Variants in VGLL4 observed in about 807,000 individuals in gnomAD.
The protein encoded by VGLL4 is transcription cofactor vestigial-like protein 4.
Under a neutral mutation model 21.0 loss-of-function variants are expected in VGLL4, and 7 were observed. The observed-to-expected ratio is 0.33, with a 90% confidence interval of 0.19 to 0.63. VGLL4 has a LOEUF of 0.63. VGLL4 is among the 20% of genes least tolerant of loss of function. The probability of loss-of-function intolerance (pLI) is 0.78; values close to 1 mark genes in which losing one functional copy is unlikely to be tolerated. For synonymous variants in VGLL4, 222 were observed against 173.2 expected, an observed-to-expected ratio of 1.28 and a Z score of -2.21; for missense variants, 394 against 425.7, an observed-to-expected ratio of 0.93 and a Z score of 0.66.
At chr3:11,617,812 A>G (rs1289445287) in intron 1 of VGLL4, among the ~76,000 whole-genome samples, 1 of 152,206 alleles carries the variant, frequency 6.6e-6, no homozygotes, top group East Asian at 1.9e-4. Context: ...TCCATATTTT[A>G]AGTTCCACAG....
intron 2 of VGLL4, among the ~76,000 whole-genome samples, chr3:11,685,280 C>T (rs528923955): frequency 6.6e-6 from 1 of 151,226 alleles, no homozygotes; most frequent in African/African-American, 2.4e-5. Context: ...CTTACTGCAA[C>T]CTCTGCCTCC....
In VGLL4 at chr3:11,557,956, A is replaced by G. The variant is rs1232186698; in HGVS notation, c.*600T>C. 6.5e-6 allele frequency: 1 copy of G among 153,762 alleles called. No homozygotes were observed. 9.5% of individuals were successfully genotyped at this position (153,762 alleles called of 1,614,324 possible). On this transcript the variant is annotated 3_prime_UTR_variant, in exon 5 of 5. Coordinates refer to ENST00000430365, the MANE Select transcript of VGLL4 (RefSeq NM_001128219.3). Reference sequence around the variant, plus strand: ...AAAAAAAACAAAAACAGTAACAACAACAAACACACAAATGGTCAGAAATGT... The same window carrying G: ...AAAAAAAACAAAAACAGTAACAACAGCAAACACACAAATGGTCAGAAATGT...
At chr3:11,610,139 C>G (rs1333734591) in intron 1 of VGLL4, 1 of 152,396 alleles carries the variant, frequency 6.6e-6, no homozygotes, top group African/African-American at 2.4e-5. Flanking sequence ...GACATCATGT[C>G]CTGGCGAGAG....
chr3:11,671,740 T>G (rs1190986718), intron 2 of VGLL4, among the ~76,000 whole-genome samples: 3 of 152,014 alleles, frequency 2.0e-5, no homozygotes, highest in Non-Finnish European at 4.4e-5. Context: ...TTTAAATAAC[T>G]TCAACTGGGA....
Position 11,670,629 on chromosome 3 carries a change from T to C in VGLL4, c.64+32342A>G, listed in dbSNP as rs193254080. Among the ~76,000 whole-genome samples, 169 of 152,338 alleles carry C rather than the reference T, an allele frequency of 1.1e-3. 1 individual carries two copies. The highest frequency in any genetic ancestry group is 0.01 in the Middle Eastern group (3 of 294). On this transcript the variant is annotated intron_variant, in intron 2 of 5. Coordinates refer to the VGLL4 transcript ENST00000273038. ...AGTAAACATTACTGAGGCTTTCTTTTTTTTAAGACAAAAATAAGTAAATGT... is the reference window on the plus strand; with the variant it reads ...AGTAAACATTACTGAGGCTTTCTTTCTTTTAAGACAAAAATAAGTAAATGT...
At chr3:11,626,581 T>C (rs1451813723) in intron 1 of VGLL4, 1 of 330,766 alleles carries the variant, frequency 3.0e-6, no homozygotes. Flanking sequence ...CACATTGTGG[T>C]GGCTAAGAGC....
At position 11,568,817 on chromosome 3, in the gene VGLL4, G is replaced by A. The variant is rs888810912; in HGVS notation, c.273-3798C>T. The A allele has an allele frequency of 3.5e-6, 5 of 1,427,900 alleles. No homozygotes were observed. The highest frequency in any genetic ancestry group is 5.2e-5 in the East Asian group (2 of 38,546). 88.5% of individuals were successfully genotyped at this position (1,427,900 alleles called of 1,614,324 possible). On this transcript the variant is annotated intron_variant, in intron 2 of 4. Transcript: ENST00000430365. This position sits in a 1 kb window ranked among gnomAD's most constrained non-coding sequence, Gnocchi z 5.9. Reference sequence around the variant, plus strand: ...CCGAGAGAGCCCACGGCATCCCCGCGAACACCCAAAGGACTCTGAGTGGCT... The same window carrying A: ...CCGAGAGAGCCCACGGCATCCCCGCAAACACCCAAAGGACTCTGAGTGGCT...
At chr3:11,675,361 A>AT (rs11371832) in intron 2 of VGLL4, among the ~76,000 whole-genome samples, 79,072 of 150,898 alleles carry the variant, frequency 0.52, 21,630 homozygotes, top group Non-Finnish European at 0.63. Context: ...ATAAAAAATA[A>AT]AAAAATAAAA....
At chr3:11,561,656 C>T (rs749005114) in intron 3 of VGLL4, among the ~76,000 whole-genome samples, 55 of 152,176 alleles carry the variant, frequency 3.6e-4, no homozygotes, top group Middle Eastern at 3.4e-3. Context: ...TATGGGATCC[C>T]GAGGCTCCCC....
At chr3:11,716,805 C>CGG (rs202235626) in intron 1 of VGLL4, among the ~76,000 whole-genome samples, 2 of 151,116 alleles carry the variant, frequency 1.3e-5, no homozygotes, top group Non-Finnish European at 2.9e-5. Context: ...TTTTTTTTTG[C>CGG]GGGGGGGTGG....
At chr3:11,584,218 G>T (rs930068207) in intron 2 of VGLL4, among the ~76,000 whole-genome samples, 1 of 152,140 alleles carries the variant, frequency 6.6e-6, no homozygotes, top group Non-Finnish European at 1.5e-5. Context: ...TCAAGAGAAA[G>T]AAGATGAATA....
chr3:11,620,183 T>C (rs956895881), intron 1 of VGLL4, among the ~76,000 whole-genome samples: 2 of 152,180 alleles, frequency 1.3e-5, no homozygotes, highest in Admixed American at 6.6e-5. Flanking sequence ...CAGGAGGAAA[T>C]GGTCACCAAA....
intron 1 of VGLL4, among the ~76,000 whole-genome samples, chr3:11,640,472 G>A (rs1047431278): frequency 2.0e-5 from 3 of 152,142 alleles, no homozygotes; most frequent in African/African-American, 4.8e-5. Flanking sequence ...GTAGTAATAA[G>A]CCATGAGGTT....
chr3:11,565,052 T>C lies in VGLL4; in HGVS notation c.273-33A>G, dbSNP rs1346292459. 2 of 1,462,866 alleles carry C rather than the reference T, an allele frequency of 1.4e-6. No homozygotes were observed. The highest frequency in any genetic ancestry group is 1.5e-5 in the African/African-American group (1 of 68,550). The allele number at this position is 1,462,866 out of a possible 1,614,324, so 90.6% of individuals were successfully genotyped here. A position where few individuals can be genotyped will look rare whatever the true frequency, so the allele number is the denominator to read the frequency against. ...AGAGGAATGGGCATTCAGGGGGCGT[T>C]TTCTCAAAGGCAAAGGGGACAGTGA... On this transcript the variant is annotated intron_variant, in intron 2 of 4. Coordinates refer to ENST00000430365, the MANE Select transcript of VGLL4 (RefSeq NM_001128219.3). This position sits in a 1 kb window ranked among gnomAD's most constrained non-coding sequence, Gnocchi z 4.1.
chr3:11,601,779 A>G (rs1321854989), intron 2 of VGLL4, 54 bp downstream of exon 2: 5 of 1,585,714 alleles, frequency 3.2e-6, no homozygotes, highest in African/African-American at 1.4e-5. Flanking sequence ...TGCAAAACAA[A>G]TAAGGCCCCA....
intron 2 of VGLL4, among the ~76,000 whole-genome samples, chr3:11,691,625 T>C (rs1290813696): frequency 6.6e-6 from 1 of 152,118 alleles, no homozygotes; most frequent in Non-Finnish European, 1.5e-5. Context: ...GGGCCTTCCG[T>C]CCTCACTGCT....
In VGLL4 at chr3:11,557,655, T is replaced by C. The variant is rs1161349250; in HGVS notation, c.*901A>G. Reference sequence around the variant, plus strand: ...CTGTAACTGACAAAAATAAACTAATTCTGAAAAGAAGATAGTAAGTATTAA... The same window carrying C: ...CTGTAACTGACAAAAATAAACTAATCCTGAAAAGAAGATAGTAAGTATTAA... On this transcript the variant is annotated 3_prime_UTR_variant, in exon 5 of 5. Transcript: ENST00000430365. The C allele has an allele frequency of 6.5e-6, 1 of 152,718 alleles. No individual in the cohort carries two copies. The highest frequency in any genetic ancestry group is 6.5e-5 in the Admixed American group (1 of 15,276). The allele number at this position is 152,718 out of a possible 1,614,324, so 9.5% of individuals were successfully genotyped here.
intron 2 of VGLL4, among the ~76,000 whole-genome samples, chr3:11,683,901 G>T (rs2076410190): frequency 6.6e-6 from 1 of 152,022 alleles, no homozygotes; most frequent in African/African-American, 2.4e-5. Flanking sequence ...TTTAACTTCT[G>T]GATATTAGTC....
At chr3:11,709,303 A>T (rs1381280468) in intron 1 of VGLL4, among the ~76,000 whole-genome samples, 1 of 150,598 alleles carries the variant, frequency 6.6e-6, no homozygotes, top group Non-Finnish European at 1.5e-5. Context: ...CAGGCATGGT[A>T]GCAGGCACCT....
Sources: gnomAD v4.1 joint callset for allele counts (sites outside exome capture counted in the v4.1 genomes callset) on GRCh38, gnomAD v4.1.1 for gene constraint, Gnocchi (gnomAD v3.1) non-coding constraint, MANE v1.5 for transcripts, NCBI Gene and HGNC (gene_info 2026-07-23, HGNC 2026-07-21) for gene names.